The following CACNA1A variants were observed in gnomAD, a reference collection of about 807,000 sequenced individuals.
The protein encoded by CACNA1A is voltage-dependent P/Q-type calcium channel subunit alpha-1A.
CACNA1A carries 57 observed loss-of-function variants against 262.4 expected under a neutral mutation model. The observed-to-expected ratio is 0.22, with a 90% CI of 0.18 to 0.27. CACNA1A has a LOEUF of 0.27. CACNA1A is among the 10% of genes least tolerant of loss of function. The pLI is 1.00. For synonymous variants in CACNA1A, 1,431 were observed against 1,419.3 expected, an observed-to-expected ratio of 1.01 and a Z score of -0.18; for missense variants, 2,526 against 3,562.8, an observed-to-expected ratio of 0.71 and a Z score of 7.41.
chr19:13,227,972 G>T lies in CACNA1A; in HGVS notation c.5529-445C>A, dbSNP rs1311696772. On this transcript the variant is annotated intron_variant, in intron 36 of 46. Transcript: ENST00000360228. ...TCTGTCGCCTGGGTTGGAGTGCAGT[G>T]GTGTGATCATAGCTCACTGCAGCCT... 2.1e-5 allele frequency among the ~76,000 whole-genome samples: 3 copies of T among 144,240 alleles called. No homozygotes were observed. The East Asian group carries it at 6.5e-4, about 31-fold the overall frequency. 94.6% of individuals were successfully genotyped at this position (144,240 alleles called of 152,430 possible).
At chr19:13,250,553 C>T (rs2056369892) in intron 30 of CACNA1A, among the ~76,000 whole-genome samples, 1 of 152,040 alleles carries the variant, frequency 6.6e-6, no homozygotes, top group Non-Finnish European at 1.5e-5. Context: ...TGCGCCACCA[C>T]ACCCAGCTAA....
chr19:13,397,436 G>A (rs1343347659), intron 3 of CACNA1A, among the ~76,000 whole-genome samples: 1 of 152,148 alleles, frequency 6.6e-6, no homozygotes, highest in Non-Finnish European at 1.5e-5. Context: ...GAAGAAGATA[G>A]GAATGTCCCT....
chr19:13,249,820 T>TGAACCTG (rs56411601), intron 30 of CACNA1A, among the ~76,000 whole-genome samples: 2 of 151,288 alleles, frequency 1.3e-5, no homozygotes, highest in East Asian at 3.9e-4. Flanking sequence ...AGGCAAGATC[T>TGAACCTG]GAACTCTGGT....
chr19:13,326,623 T>TA (rs1269179388), intron 10 of CACNA1A, among the ~76,000 whole-genome samples: 3 of 151,660 alleles, frequency 2.0e-5, no homozygotes, highest in Non-Finnish European at 2.9e-5. Flanking sequence ...CCATCTCTAG[T>TA]AAAAAATATA....
At chr19:13,339,592 A>G (rs1233876136) in intron 6 of CACNA1A, among the ~76,000 whole-genome samples, 1 of 152,166 alleles carries the variant, frequency 6.6e-6, no homozygotes, top group African/African-American at 2.4e-5. Context: ...AGAAAGAAAC[A>G]ATAAAGGTCT....
Position 13,209,461 on chromosome 19 carries a change from G to T in CACNA1A, c.6377C>A (p.Ser2126Tyr). 7.3e-7 allele frequency: 1 copy of T among 1,363,142 alleles called. No homozygotes were observed. Among genetic ancestry groups the T allele is most frequent in the Non-Finnish European group, 9.5e-7 (1 of 1,052,588 alleles). The allele number at this position is 1,363,142 out of a possible 1,614,324, so 84.4% of individuals were successfully genotyped here. ...GCGTCGGGCCTTGGGGCCCAGCACG[G>T]AGGCTGAACGCTTCATGGGGCTGGT... The part of the protein sequence containing the change: ...SDTSPMKRSA[S>Y]VLGPKARRLD... Residue 2126 changes from serine (S) to tyrosine (Y), a missense_variant, in exon 45 of 47, where the codon TCC (serine) becomes TAC (tyrosine). Physicochemically the swap from Ser to Tyr is moderately radical, Grantham distance 144. Around this residue, in one of 17 missense-constraint regions of CACNA1A, gnomAD observed 929 missense variants for 868.1 expected, o/e 1.07. Coordinates refer to ENST00000360228, the MANE Select transcript of CACNA1A (RefSeq NM_001127222.2).
At chr19:13,474,148 C>T (rs1430779872) in intron 1 of CACNA1A, among the ~76,000 whole-genome samples, 1 of 152,206 alleles carries the variant, frequency 6.6e-6, no homozygotes, top group East Asian at 1.9e-4. Flanking sequence ...GGAGCTTAAT[C>T]AATATGACAA....
chr19:13,358,530 C>T (rs886735185), intron 6 of CACNA1A, among the ~76,000 whole-genome samples: 1 of 152,170 alleles, frequency 6.6e-6, no homozygotes, highest in Non-Finnish European at 1.5e-5. Context: ...GTATAGAATG[C>T]TACTCCTTGG....
At chr19:13,409,157 G>A (rs1273075082) in intron 3 of CACNA1A, among the ~76,000 whole-genome samples, 5 of 152,108 alleles carry the variant, frequency 3.3e-5, no homozygotes, top group African/African-American at 4.8e-5. Flanking sequence ...CAATCTTGAC[G>A]CTTTGGAACT....
chr19:13,209,715 C>T (rs2054731707), intron 44 of CACNA1A, among the ~76,000 whole-genome samples: 1 of 152,202 alleles, frequency 6.6e-6, no homozygotes, highest in Non-Finnish European at 1.5e-5. Context: ...CCTGAGGATT[C>T]CTCTGTCCCT....
chr19:13,424,086 C>T (rs955257467), intron 3 of CACNA1A, among the ~76,000 whole-genome samples: 21 of 152,240 alleles, frequency 1.4e-4, no homozygotes, highest in Middle Eastern at 3.4e-3. Flanking sequence ...TGGTGGCTTA[C>T]GTCTGTAATC....
chr19:13,467,106 G>T (rs993323268), intron 1 of CACNA1A, among the ~76,000 whole-genome samples: 1 of 152,076 alleles, frequency 6.6e-6, no homozygotes. Flanking sequence ...TCTGGGAGAA[G>T]AGTAACCCAG....
rs779779822 is a variant in CACNA1A, at chr19:13,257,301, TTGTG to T, written c.4590+45_4590+48del. 7.4e-6 allele frequency: 11 copies of T among 1,493,488 alleles called. No homozygotes were observed. In the African/African-American group the frequency reaches 1.5e-4, roughly 21 times the overall value. The allele number at this position is 1,493,488 out of a possible 1,614,324, so 92.5% of individuals were successfully genotyped here. A position where few individuals can be genotyped will look rare whatever the true frequency, so the allele number is the denominator to read the frequency against. On this transcript the variant is annotated intron_variant, in intron 28 of 46. Transcript: ENST00000360228. ...CTGGGTGTTGTGTGTGTTTTAAAGT[TTGTG>T]TGTGTCCCCAGTTTTTAAAGGACAG... is the stretch of plus-strand genomic sequence containing the variant.
chr19:13,472,715 C>T (rs951567628), intron 1 of CACNA1A, among the ~76,000 whole-genome samples: 2 of 152,156 alleles, frequency 1.3e-5, no homozygotes, highest in African/African-American at 4.8e-5. Context: ...TCTAATTATC[C>T]TCTACGCAAA....
At chr19:13,361,878 C>T (rs1227891410) in intron 5 of CACNA1A, among the ~76,000 whole-genome samples, 1 of 152,180 alleles carries the variant, frequency 6.6e-6, no homozygotes, top group Non-Finnish European at 1.5e-5. Context: ...TAGCATGGCA[C>T]CTGTGCCTGG....
chr19:13,315,245 A>G (rs1280072216), intron 11 of CACNA1A: 1 of 128,490 alleles, frequency 7.8e-6, no homozygotes, highest in Non-Finnish European at 1.6e-5. Flanking sequence ...TCTGTTGCCC[A>G]GGCTAGAGTG....
chr19:13,206,462 T>A lies in CACNA1A; in HGVS notation c.*851A>T, dbSNP rs1294335200. On this transcript the variant is annotated 3_prime_UTR_variant, in exon 47 of 47. Coordinates refer to ENST00000360228, the MANE Select transcript of CACNA1A (RefSeq NM_001127222.2). The stretch of plus-strand genomic sequence containing the variant: ...AGCCCTTTGATTCAACTTTTTTTTA[T>A]TTTTTTTTTCTTTTTGAATGTCATG... 1 of 149,282 alleles carries A rather than the reference T, an allele frequency of 6.7e-6. No individual in the cohort carries two copies. Among genetic ancestry groups the A allele is most frequent in the Non-Finnish European group, 1.5e-5 (1 of 67,368 alleles). The allele number at this position is 149,282 out of a possible 1,614,324, so 9.2% of individuals were successfully genotyped here.
intron 19 of CACNA1A, among the ~76,000 whole-genome samples, chr19:13,298,214 T>C (rs1015623833): frequency 4.1e-4 from 58 of 141,000 alleles, no homozygotes; most frequent in African/African-American, 1.4e-3. Context: ...CATTGCAACC[T>C]CCGCCCCCTG....
chr19:13,286,470 C>T (rs772302324), intron 20 of CACNA1A, 33 bp downstream of exon 20: 1 of 1,125,350 alleles, frequency 8.9e-7, no homozygotes, highest in Non-Finnish European at 1.3e-6. Context: ...CGCCAGGTCC[C>T]CTGCCCAGTG....
Sources: allele counts gnomAD v4.1 joint callset (sites outside exome capture counted in the v4.1 genomes callset), GRCh38; gene constraint gnomAD v4.1.1; regional missense constraint gnomAD v4.1.1; transcripts MANE v1.5; gene names NCBI Gene and HGNC (gene_info 2026-07-23, HGNC 2026-07-21).